Variants in PXDN observed in about 807,000 individuals in gnomAD.
PXDN encodes peroxidasin homolog.
PXDN carries 77 observed loss-of-function variants against 140.3 expected under a neutral mutation model. That is an observed-to-expected ratio of 0.55 (90% confidence interval 0.46 to 0.66). The LOEUF (loss-of-function observed/expected upper bound fraction) is 0.66. Among genes scored for constraint, PXDN ranks in the 30% least tolerant of loss-of-function variants. The pLI, the probability that PXDN is intolerant of heterozygous loss-of-function variation, is 0.00. For missense variants in PXDN, 1,838 were observed against 2,039.5 expected, an observed-to-expected ratio of 0.90 and a Z score of 1.90; for synonymous variants, 911 against 857.4, an observed-to-expected ratio of 1.06 and a Z score of -1.09.
At chr2:1,665,242 G>A (rs866486723) in intron 10 of PXDN, among the ~76,000 whole-genome samples, 168 bp from the exon 11 acceptor site, 8 of 152,144 alleles carry the variant, frequency 5.3e-5, no homozygotes, top group East Asian at 3.9e-4. Context: ...GGAGCAGAAC[G>A]GAAAGAAGAT....
intron 1 of PXDN, among the ~76,000 whole-genome samples, chr2:1,728,694 G>C (rs1346323417): frequency 6.6e-6 from 1 of 152,202 alleles, no homozygotes; most frequent in Admixed American, 6.5e-5. Context: ...TTCTGGCTGT[G>C]CTGCCCTCAC....
At chr2:1,743,982 T>G (rs1173876343) in intron 1 of PXDN, among the ~76,000 whole-genome samples, 1 of 152,060 alleles carries the variant, frequency 6.6e-6, no homozygotes, top group South Asian at 2.1e-4. Context: ...GATTCCGAGT[T>G]CCGAACAAAG....
chr2:1,684,251 T>C (rs1683994128), intron 4 of PXDN, 100 bp from the exon 5 acceptor site: 2 of 868,642 alleles, frequency 2.3e-6, no homozygotes, highest in African/African-American at 1.7e-5. Flanking sequence ...AATTCAGATA[T>C]CAATAGATAG....
intron 8 of PXDN, among the ~76,000 whole-genome samples, chr2:1,674,519 C>A (rs1369998850): frequency 1.3e-5 from 2 of 152,210 alleles, no homozygotes; most frequent in Non-Finnish European, 2.9e-5. Flanking sequence ...GCAGCAAGGA[C>A]CTCCCCTGGG....
At chr2:1,728,244 C>G (rs1685235802) in intron 1 of PXDN, among the ~76,000 whole-genome samples, 1 of 152,226 alleles carries the variant, frequency 6.6e-6, no homozygotes, top group East Asian at 1.9e-4. Context: ...AGCCAACTGT[C>G]CTGTTCTCAA....
Position 1,654,404 on chromosome 2 carries a change from C to G in PXDN, c.1942G>C (p.Asp648His). The change falls in exon 15 of 23, where the codon GAC becomes CAC. Residue 648 changes from aspartate to histidine, a missense_variant. Coordinates refer to ENST00000252804, the MANE Select transcript of PXDN (RefSeq NM_012293.3). ...GTGTTTACAGCCCCACGATACCTGT[C>G]AAACAAATGTGTTCGGGTTGAGTTT... ...AINSTRTHLF[D>H]SRPRSPNDLL... The G allele has an allele frequency of 3.7e-6, 6 of 1,610,970 alleles. No individual in the cohort carries two copies. Among genetic ancestry groups the G allele is most frequent in the Non-Finnish European group, 5.1e-6 (6 of 1,177,192 alleles).
intron 1 of PXDN, 89 bp downstream of exon 1, chr2:1,744,167 C>A: frequency 7.9e-7 from 1 of 1,261,166 alleles, no homozygotes; most frequent in Non-Finnish European, 1.0e-6. Flanking sequence ...CCTCCACCCT[C>A]CGCGCCCCCC....
intron 10 of PXDN, 22 bp from the exon 11 acceptor site, chr2:1,665,096 A>C (rs757329168): frequency 6.5e-7 from 1 of 1,537,880 alleles, no homozygotes; most frequent in East Asian, 2.3e-5. Context: ...AAAGCATTCA[A>C]AACAGGACAT....
At position 1,650,676 on chromosome 2, in the gene PXDN, C is replaced by T. The variant is rs569857794; in HGVS notation, c.2105-1001G>A. 2.0e-5 allele frequency among the ~76,000 whole-genome samples: 3 copies of T among 152,202 alleles called. No homozygotes were observed. In the East Asian group the frequency reaches 5.8e-4, roughly 30 times the overall value. On this transcript the variant is annotated intron_variant, in intron 16 of 22. Transcript: ENST00000252804. Reference sequence around the variant, plus strand: ...CTTTCCAGGCACATGTCATGCCTGCCGAAAAGCTACACACACGCACACACA... The same window carrying T: ...CTTTCCAGGCACATGTCATGCCTGCTGAAAAGCTACACACACGCACACACA...
intron 1 of PXDN, among the ~76,000 whole-genome samples, chr2:1,706,615 G>A (rs13006524): frequency 0.013 from 577 of 43,744 alleles, 52 homozygotes; most frequent in African/African-American, 0.025. Context: ...TCTAAGCATC[G>A]CCTGCCCCAC....
intron 3 of PXDN, 92 bp downstream of exon 3, chr2:1,691,836 C>T (rs1684187914): frequency 1.3e-6 from 1 of 777,202 alleles, no homozygotes. Flanking sequence ...AATATATTTA[C>T]AATAATTCAT....
rs1682469023 is a variant in PXDN, at chr2:1,633,534, CTTGGGA to C, written c.*664_*669del. The C allele has an allele frequency of 6.6e-6, 1 of 151,760 alleles. No individual in the cohort carries two copies. Among genetic ancestry groups the C allele is most frequent in the African/African-American group, 2.4e-5 (1 of 41,252 alleles). The allele number at this position is 151,760 out of a possible 1,614,324, so 9.4% of individuals were successfully genotyped here. The stretch of plus-strand genomic sequence containing the variant: ...TGCTTCGAGCAGCGGGAATGTTTGT[CTTGGGA>C]TTAGATGCTGACGTGTGGTGAAATG... On this transcript the variant is annotated 3_prime_UTR_variant, in exon 23 of 23. Coordinates refer to ENST00000252804, the MANE Select transcript of PXDN (RefSeq NM_012293.3).
At chr2:1,715,595 C>T (rs1280173124) in intron 1 of PXDN, among the ~76,000 whole-genome samples, 1 of 152,308 alleles carries the variant, frequency 6.6e-6, no homozygotes, top group East Asian at 1.9e-4. Context: ...CCCAGAAGCA[C>T]CACAGCAAGT....
Position 1,666,226 on chromosome 2 carries a change from T to C in PXDN, c.1279A>G (p.Ile427Val), listed in dbSNP as rs764354903. 2.0e-5 allele frequency: 32 copies of C among 1,613,742 alleles called. No individual in the cohort carries two copies. The highest frequency in any genetic ancestry group is 2.5e-5 in the Non-Finnish European group (30 of 1,179,760). The part of the protein sequence containing the change: ...NIDSVHATAF[I>V]IVQALPQFTV... ...GATGGATACCCACCCTGGACGATGA[T>C]GAAAGCGGTGGCATGGACGCTGTCA... Residue 427 changes from isoleucine (I) to valine (V), a missense_variant, in exon 10 of 23, where the codon ATC (isoleucine) becomes GTC (valine). Physicochemically the swap from Ile to Val is conservative, Grantham distance 29. Around this residue, in one of 5 missense-constraint regions of PXDN, gnomAD observed 537 missense variants for 583.9 expected, o/e 0.92. Transcript: ENST00000252804.
intron 4 of PXDN, 53 bp from the exon 5 acceptor site, chr2:1,684,204 C>A (rs1430838293): frequency 6.0e-6 from 9 of 1,502,788 alleles, no homozygotes; most frequent in Non-Finnish European, 7.2e-6. Flanking sequence ...TTTCTTAGAT[C>A]CAGATTTTTG....
intron 18 of PXDN, among the ~76,000 whole-genome samples, chr2:1,644,137 G>T (rs1000704887): frequency 7.2e-6 from 1 of 139,722 alleles, no homozygotes; most frequent in African/African-American, 2.7e-5. Context: ...CAACAAAGAC[G>T]ATGGGCAACT....
chr2:1,719,927 AGG>A (rs200943935), intron 1 of PXDN, among the ~76,000 whole-genome samples: 17 of 71,826 alleles, frequency 2.4e-4, no homozygotes, highest in Admixed American at 4.3e-4. Context: ...GGATGCAGAG[AGG>A]GAGAGAGAGA....
chr2:1,744,597 G>A, upstream of PXDN: 1 of 701,636 alleles, frequency 1.4e-6, no homozygotes, highest in Non-Finnish European at 1.9e-6. Flanking sequence ...GGCTCCTCCC[G>A]GCCCCTCTGA....
At chr2:1,667,800 A>C (rs1317594004) in intron 9 of PXDN, among the ~76,000 whole-genome samples, 4 of 150,506 alleles carry the variant, frequency 2.7e-5, no homozygotes, top group Admixed American at 2.6e-4. Flanking sequence ...AGGAAATCAG[A>C]GAGGATACAA....
Sources: gnomAD v4.1 joint callset for allele counts (sites outside exome capture counted in the v4.1 genomes callset) on GRCh38, gnomAD v4.1.1 for gene constraint, gnomAD v4.1.1 regional missense constraint, MANE v1.5 for transcripts, NCBI Gene and HGNC (gene_info 2026-07-23, HGNC 2026-07-21) for gene names.